The following PCNX1 variants were observed in gnomAD, a reference collection of about 807,000 sequenced individuals.
PCNX1 encodes pecanex-like protein 1.
In PCNX1, 78 loss-of-function variants were observed where a neutral mutation model predicts 242.2. The observed-to-expected ratio is 0.32, with a 90% confidence interval of 0.27 to 0.39. PCNX1 has a LOEUF of 0.39. PCNX1 is among the 10% of genes least tolerant of loss of function. PCNX1 has a pLI of 1.00. For synonymous variants in PCNX1, 1,024 were observed against 1,032.9 expected, an observed-to-expected ratio of 0.99 and a Z score of 0.17; for missense variants, 2,581 against 2,856.5, an observed-to-expected ratio of 0.90 and a Z score of 2.20.
intron 28 of PCNX1, among the ~76,000 whole-genome samples, chr14:71,082,390 G>A (rs555048640): frequency 2.0e-5 from 3 of 152,228 alleles, no homozygotes; most frequent in African/African-American, 2.4e-5. Context: ...GGTCCAGAGC[G>A]GAGTTCAAGT....
rs745424335 is a variant in PCNX1 at position 70,978,577 on chromosome 14, C to T, written c.2240C>T (p.Thr747Ile). The change falls in exon 6 of 36, where the codon ACT becomes ATT. Residue 747 changes from threonine to isoleucine, a missense_variant. Thr to Ile is a moderately conservative substitution (Grantham distance 89). Around this residue, in one of 9 missense-constraint regions of PCNX1, gnomAD observed 1,204 missense variants for 1,216.7 expected, o/e 0.99. Transcript: ENST00000304743. ...LGRASQLETV[T>I]RSRNSLPNQV... ...CGGGCTTCCCAGTTAGAGACAGTCACTCGATCTAGGAATAGCTTGCCAAAC... is the reference window on the plus strand; with the variant it reads ...CGGGCTTCCCAGTTAGAGACAGTCATTCGATCTAGGAATAGCTTGCCAAAC... 1.9e-6 allele frequency: 3 copies of T among 1,613,958 alleles called. No individual in the cohort carries two copies. Among genetic ancestry groups the T allele is most frequent in the Non-Finnish European group, 2.5e-6 (3 of 1,179,966 alleles).
At chr14:70,968,925 A>G in intron 4 of PCNX1, 96 bp from the exon 5 acceptor site, 1 of 720,922 alleles carries the variant, frequency 1.4e-6, no homozygotes, top group Non-Finnish European at 2.5e-6. Context: ...GTTGATAGAC[A>G]TTAGTACTCC....
intron 6 of PCNX1, among the ~76,000 whole-genome samples, chr14:70,979,067 T>C (rs1286326285): frequency 1.3e-5 from 2 of 152,246 alleles, no homozygotes; most frequent in Non-Finnish European, 2.9e-5. Flanking sequence ...ATTAGATCAC[T>C]CAGCCTATTA....
intron 23 of PCNX1, among the ~76,000 whole-genome samples, chr14:71,051,546 G>A (rs2061036709): frequency 6.6e-6 from 1 of 152,168 alleles, no homozygotes; most frequent in Non-Finnish European, 1.5e-5. Context: ...GATATGGAAA[G>A]ACAGACTTAT....
intron 2 of PCNX1, among the ~76,000 whole-genome samples, chr14:70,949,299 A>ACGTGTGTG (rs2057665124): frequency 6.9e-6 from 1 of 145,064 alleles, no homozygotes; most frequent in Admixed American, 6.7e-5. Context: ...ACGTGTGTAC[A>ACGTGTGTG]CACATATGTG....
intron 26 of PCNX1, among the ~76,000 whole-genome samples, chr14:71,065,530 G>C (rs1488747994): frequency 1.3e-5 from 2 of 152,144 alleles, no homozygotes; most frequent in Admixed American, 6.6e-5. Flanking sequence ...CCCTTTGTCA[G>C]ATGGATAGAT....
chr14:70,911,692 A>G (rs1030734568), intron 1 of PCNX1, among the ~76,000 whole-genome samples: 1 of 152,082 alleles, frequency 6.6e-6, no homozygotes, highest in African/African-American at 2.4e-5. Context: ...CTGAACCTTG[A>G]TTTACTCATT....
chr14:70,992,768 C>G (rs1018032859), intron 7 of PCNX1, among the ~76,000 whole-genome samples: 1 of 152,160 alleles, frequency 6.6e-6, no homozygotes, highest in Non-Finnish European at 1.5e-5. Context: ...GTAGTTTTGA[C>G]ATAGAAGCGT....
At chr14:71,086,671 T>A (rs2061999211) in intron 28 of PCNX1, among the ~76,000 whole-genome samples, 1 of 152,234 alleles carries the variant, frequency 6.6e-6, no homozygotes, top group African/African-American at 2.4e-5. Flanking sequence ...TTTGCGTGTG[T>A]GCTGTTGCCG....
intron 26 of PCNX1, among the ~76,000 whole-genome samples, chr14:71,062,497 A>C (rs1314052564): frequency 1.3e-5 from 2 of 151,900 alleles, no homozygotes; most frequent in African/African-American, 2.4e-5. Flanking sequence ...AAAAAGTTTA[A>C]AAATTAAAAA....
chr14:71,064,124 A>G (rs957110616), intron 26 of PCNX1, among the ~76,000 whole-genome samples: 3 of 152,232 alleles, frequency 2.0e-5, no homozygotes, highest in Admixed American at 6.5e-5. Context: ...AATATTCACT[A>G]TGAAGTGACT....
chr14:70,992,424 A>G (rs1566669951), intron 7 of PCNX1, among the ~76,000 whole-genome samples: 1 of 152,180 alleles, frequency 6.6e-6, no homozygotes, highest in Non-Finnish European at 1.5e-5. Context: ...GAATCCACCA[A>G]CTATTTTTTT....
intron 1 of PCNX1, among the ~76,000 whole-genome samples, chr14:70,936,110 C>T (rs189340097): frequency 6.6e-5 from 10 of 152,150 alleles, no homozygotes; most frequent in African/African-American, 2.4e-4. Context: ...ATAAATTAAA[C>T]AACTAGGAAT....
intron 26 of PCNX1, among the ~76,000 whole-genome samples, chr14:71,066,750 A>G (rs1025562679): frequency 1.6e-4 from 25 of 152,186 alleles, no homozygotes; most frequent in African/African-American, 6.0e-4. Flanking sequence ...TGGGTTTGTC[A>G]TAAATAGCTC....
At chr14:70,989,857 A>G (rs949041711) in intron 7 of PCNX1, among the ~76,000 whole-genome samples, 3 of 152,196 alleles carry the variant, frequency 2.0e-5, no homozygotes, top group African/African-American at 7.2e-5. Context: ...CATACTTTAC[A>G]TATGCCTGCT....
chr14:71,089,521 A>G (rs768385562), intron 30 of PCNX1, among the ~76,000 whole-genome samples, 179 bp downstream of exon 30: 1 of 152,300 alleles, frequency 6.6e-6, no homozygotes, highest in East Asian at 1.9e-4. Flanking sequence ...CAGGAAACTT[A>G]CAGTCATGGC....
intron 1 of PCNX1, among the ~76,000 whole-genome samples, chr14:70,931,615 A>AT (rs1190663852): frequency 1.3e-5 from 2 of 152,156 alleles, no homozygotes; most frequent in Non-Finnish European, 2.9e-5. Context: ...CATCTGCCAG[A>AT]TTTTTTTGGT....
At chr14:71,004,584 T>C (rs552460631) in intron 8 of PCNX1, among the ~76,000 whole-genome samples, 23 of 152,344 alleles carry the variant, frequency 1.5e-4, no homozygotes, top group Admixed American at 1.2e-3. Flanking sequence ...AGGAAAGTTA[T>C]CTTCCATGAA....
In PCNX1 at chr14:71,009,740, T is replaced by C. The variant is rs377417630; in HGVS notation, c.2720+16T>C. 2.1e-6 allele frequency: 3 copies of C among 1,437,928 alleles called. No individual in the cohort carries two copies. Among genetic ancestry groups the C allele is most frequent in the Admixed American group, 1.7e-5 (1 of 58,424 alleles). The allele number at this position is 1,437,928 out of a possible 1,614,324, so 89.1% of individuals were successfully genotyped here. On this transcript the variant is annotated intron_variant, in intron 9 of 35. Coordinates refer to ENST00000304743, the MANE Select transcript of PCNX1 (RefSeq NM_014982.3). ...CCAATATCTGGTATGTGTGAAGTCA[T>C]ATTAGGAGTGTGTGTACTTTCATAT...
Sources: gnomAD v4.1 joint callset for allele counts (sites outside exome capture counted in the v4.1 genomes callset) on GRCh38, gnomAD v4.1.1 for gene constraint, gnomAD v4.1.1 regional missense constraint, MANE v1.5 for transcripts, NCBI Gene and HGNC (gene_info 2026-07-23, HGNC 2026-07-21) for gene names.